NHSL2: variants seen among roughly 807,000 people sequenced by gnomAD.
NHSL2 encodes the protein NHS-like protein 2.
Under a neutral mutation model 53.4 loss-of-function variants are expected in NHSL2, and 27 were observed. The ratio of observed to expected loss-of-function variants is 0.51; its 90% CI spans 0.37 to 0.70. The LOEUF (loss-of-function observed/expected upper bound fraction) is 0.70, where lower values mean the gene tolerates loss of function less well. NHSL2 is among the 30% of genes least tolerant of loss of function. The pLI, the probability that NHSL2 is intolerant of heterozygous loss-of-function variation, is 0.00. For synonymous variants in NHSL2, 408 were observed against 404.1 expected (o/e 1.01, Z -0.12); for missense variants, 892 against 980.1 (o/e 0.91, Z 1.20).
chrX:72,118,421 T>C (rs1366607540), intron 1 of NHSL2, among the ~76,000 whole-genome samples: 2 of 112,210 alleles, frequency 1.8e-5, no homozygotes, highest in Non-Finnish European at 3.8e-5. Flanking sequence ...TCTCTTATTT[T>C]GTAGGCTGCC....
chrX:71,949,782 G>A (rs935756772), intron 1 of NHSL2, among the ~76,000 whole-genome samples: 11 of 113,005 alleles, frequency 9.7e-5, no homozygotes, highest in African/African-American at 3.5e-4. Flanking sequence ...AGAGCCCACA[G>A]CGCAAACATA....
At chrX:71,971,380 T>C (rs1487403106) in intron 1 of NHSL2, among the ~76,000 whole-genome samples, 1 of 111,975 alleles carries the variant, frequency 8.9e-6, no homozygotes, top group Non-Finnish European at 1.9e-5. Flanking sequence ...GTTACAGTTA[T>C]TACTTTATGT....
intron 1 of NHSL2, among the ~76,000 whole-genome samples, chrX:72,053,439 G>C (rs1403746047): frequency 8.9e-6 from 1 of 111,734 alleles, no homozygotes; most frequent in Non-Finnish European, 1.9e-5. Flanking sequence ...GCCTTCAAGA[G>C]GTACAGATGA....
chrX:72,048,740 G>A (rs1216651292), intron 1 of NHSL2, among the ~76,000 whole-genome samples: 4 of 109,785 alleles, frequency 3.6e-5, no homozygotes, highest in African/African-American at 3.4e-5. Context: ...GACTTTACTC[G>A]ACCTGTTTCA....
intron 1 of NHSL2, among the ~76,000 whole-genome samples, chrX:71,934,285 C>T (rs1380792555): frequency 1.8e-5 from 2 of 112,213 alleles, no homozygotes; most frequent in Non-Finnish European, 3.8e-5. Flanking sequence ...TTCACTCAGC[C>T]AGCTCCCTTT....
chrX:72,057,886 G>A (rs2042378290), intron 1 of NHSL2, among the ~76,000 whole-genome samples: 1 of 112,417 alleles, frequency 8.9e-6, no homozygotes, highest in South Asian at 3.7e-4. Context: ...GAAAAAGGGG[G>A]GAAAAGCCAC....
intron 1 of NHSL2, among the ~76,000 whole-genome samples, chrX:72,100,508 G>C (rs1003713450): frequency 1.8e-5 from 2 of 112,117 alleles, no homozygotes; most frequent in Admixed American, 1.9e-4. Flanking sequence ...CTCAACCCCT[G>C]GGCCATGGAC....
At chrX:71,983,247 T>C (rs1337880687) in intron 1 of NHSL2, among the ~76,000 whole-genome samples, 1 of 111,388 alleles carries the variant, frequency 9.0e-6, no homozygotes, top group African/African-American at 3.3e-5. Context: ...TCTGTGAATA[T>C]ACTAAAAAGC....
At chrX:71,936,392 A>T (rs1198088787) in intron 1 of NHSL2, among the ~76,000 whole-genome samples, 1 of 112,120 alleles carries the variant, frequency 8.9e-6, no homozygotes, top group Non-Finnish European at 1.9e-5. Flanking sequence ...CATGTTTCCC[A>T]TCCAGAAATT....
chrX:72,053,225 C>G (rs750754830), intron 1 of NHSL2, among the ~76,000 whole-genome samples: 1 of 111,815 alleles, frequency 8.9e-6, no homozygotes, highest in South Asian at 3.8e-4. Context: ...CCCGCGCACC[C>G]CAGGCTTCTC....
intron 1 of NHSL2, among the ~76,000 whole-genome samples, chrX:72,033,741 T>C (rs1003595174): frequency 1.8e-5 from 2 of 112,310 alleles, no homozygotes; most frequent in African/African-American, 6.5e-5. Flanking sequence ...TGATCTTTTA[T>C]AGTGCAACCT....
At position 71,976,867 on chromosome X, in the gene NHSL2, A is replaced by T. The variant is rs768684490; in HGVS notation, c.280+65500A>T. On this transcript the variant is annotated intron_variant, in intron 1 of 7. Transcript: ENST00000633930. The stretch of plus-strand genomic sequence containing the variant: ...TTCTCCCTAGGGAAAACCACAGAGC[A>T]TTGTTTTTTCTCCATGAGAAACCAA... 3.6e-5 allele frequency among the ~76,000 whole-genome samples: 4 copies of T among 112,616 alleles called. No homozygotes were observed. In the South Asian group the frequency reaches 1.5e-3, roughly 41 times the overall value.
At chrX:72,032,491 A>G (rs1243574512) in intron 1 of NHSL2, among the ~76,000 whole-genome samples, 2 of 111,502 alleles carry the variant, frequency 1.8e-5, no homozygotes, top group Non-Finnish European at 3.8e-5. Context: ...CCCATCTACT[A>G]CCCACTCCCC....
chrX:71,971,482 T>TGCTG (rs2041924753), intron 1 of NHSL2, among the ~76,000 whole-genome samples: 1 of 112,161 alleles, frequency 8.9e-6, no homozygotes, highest in Non-Finnish European at 1.9e-5. Context: ...TAATTACCAT[T>TGCTG]GCTGGTTCTC....
intron 1 of NHSL2, among the ~76,000 whole-genome samples, chrX:72,018,732 G>A (rs2042146622): frequency 8.9e-6 from 1 of 112,639 alleles, no homozygotes; most frequent in South Asian, 3.6e-4. Context: ...CCCGCCCCGC[G>A]GAGTGGCGGC....
chrX:72,047,140 C>T lies in NHSL2; in HGVS notation c.281-84939C>T, dbSNP rs148758239. 4.8e-3 allele frequency among the ~76,000 whole-genome samples: 532 copies of T among 111,349 alleles called. 3 individuals are homozygous for T. Among genetic ancestry groups the T allele is most frequent in the Non-Finnish European group, 6.5e-3 (342 of 52,974 alleles). On this transcript the variant is annotated intron_variant, in intron 1 of 7. Coordinates refer to ENST00000633930, the MANE Select transcript of NHSL2 (RefSeq NM_001013627.3). ...CCCCTCCCAGCACCCCCACCCCTGGCCACAACATACACATCTCACTTCATC... is the reference window on the plus strand; with the variant it reads ...CCCCTCCCAGCACCCCCACCCCTGGTCACAACATACACATCTCACTTCATC...
At position 71,911,160 on chromosome X, in the gene NHSL2, C is replaced by G; in HGVS notation, c.73C>G (p.Leu25Val). The change falls in exon 1 of 8, where the codon CTC becomes GTC. Residue 25 changes from leucine (L) to valine (V), a missense_variant. Physicochemically the swap from Leu to Val is conservative, Grantham distance 32. Transcript: ENST00000633930. ...CAACCCGCCGCAGCAGCTGGCGGAG[C>G]TCCGCGACGTGAGCCACCTGGCAGC... Reference protein sequence around the residue: ...PRNPPQQLAELRDVSHLAALS... With the variant: ...PRNPPQQLAEVRDVSHLAALS... 1.8e-6 allele frequency: 2 copies of G among 1,130,238 alleles called. No individual in the cohort carries two copies. The highest frequency in any genetic ancestry group is 2.3e-6 in the Non-Finnish European group (2 of 859,416). 93.1% of individuals were successfully genotyped at this position (1,130,238 alleles called of 1,213,427 possible). A position where few individuals can be genotyped will look rare whatever the true frequency, so the allele number is the denominator to read the frequency against.
At chrX:71,961,298 T>C (rs997725927) in intron 1 of NHSL2, among the ~76,000 whole-genome samples, 2 of 111,214 alleles carry the variant, frequency 1.8e-5, no homozygotes, top group African/African-American at 6.5e-5. Context: ...ATATATAAGA[T>C]CATGTCATAT....
intron 1 of NHSL2, among the ~76,000 whole-genome samples, chrX:71,962,976 CT>C (rs1300374424): frequency 1.7e-4 from 19 of 108,693 alleles, no homozygotes; most frequent in Non-Finnish European, 3.3e-4. Context: ...TGTGTCTTCT[CT>C]TTTTTTTTCC....
Sources: allele counts gnomAD v4.1 joint callset (sites outside exome capture counted in the v4.1 genomes callset), GRCh38; gene constraint gnomAD v4.1.1; transcripts MANE v1.5; gene names NCBI Gene and HGNC (gene_info 2026-07-23, HGNC 2026-07-21).